Variants in TAFA2 observed in about 807,000 individuals in gnomAD.
The protein encoded by TAFA2 is TAFA chemokine like family member 2.
A neutral mutation model predicts 18.8 loss-of-function variants in TAFA2; 7 were observed. The observed-to-expected ratio is 0.37, with a 90% CI of 0.21 to 0.70. The LOEUF (loss-of-function observed/expected upper bound fraction) is 0.70, where lower values mean the gene tolerates loss of function less well. TAFA2 is among the 30% of genes least tolerant of loss of function. TAFA2 has a pLI of 0.53. For missense variants in TAFA2, 122 were observed against 158.1 expected (o/e 0.77, Z 1.23); for synonymous variants, 60 against 54.2 (o/e 1.11, Z -0.47).
intron 2 of TAFA2, among the ~76,000 whole-genome samples, chr12:61,837,462 T>C (rs867574677): frequency 6.6e-6 from 1 of 152,064 alleles, no homozygotes; most frequent in Non-Finnish European, 1.5e-5. Context: ...TATTTACATA[T>C]GACAGACATG....
chr12:61,948,077 GA>G (rs1021287950), intron 1 of TAFA2, among the ~76,000 whole-genome samples: 1 of 151,708 alleles, frequency 6.6e-6, no homozygotes, highest in Non-Finnish European at 1.5e-5. Flanking sequence ...CAGGCACTTT[GA>G]AAAGTTTCTT....
At chr12:62,063,350 A>G (rs1408929043) in intron 1 of TAFA2, among the ~76,000 whole-genome samples, 2 of 152,242 alleles carry the variant, frequency 1.3e-5, no homozygotes. Context: ...ATTGGGCTAT[A>G]TATCTATCTA....
chr12:61,980,971 T>C (rs1270112515), intron 1 of TAFA2, among the ~76,000 whole-genome samples: 2 of 152,144 alleles, frequency 1.3e-5, no homozygotes, highest in South Asian at 2.1e-4. Flanking sequence ...AAATTTCATA[T>C]GGAACCAAAA....
At chr12:62,083,827 G>A (rs1868360825) in intron 1 of TAFA2, among the ~76,000 whole-genome samples, 1 of 152,012 alleles carries the variant, frequency 6.6e-6, no homozygotes, top group African/African-American at 2.4e-5. Flanking sequence ...TAACATATCT[G>A]CAACATTTAC....
At chr12:62,150,841 G>A (rs10877801) in intron 1 of TAFA2, among the ~76,000 whole-genome samples, 18,617 of 151,828 alleles carry the variant, frequency 0.12, 1,533 homozygotes, top group East Asian at 0.34. Context: ...AGGAGACGGA[G>A]GTTGTGCTAC....
At chr12:61,799,238 C>CAAAAAT (rs1871306553) in intron 2 of TAFA2, among the ~76,000 whole-genome samples, 1 of 152,150 alleles carries the variant, frequency 6.6e-6, no homozygotes, top group African/African-American at 2.4e-5. Context: ...TCTCTTCTCA[C>CAAAAAT]AAAAATAATA....
chr12:62,156,881 T>G (rs1395434961), intron 1 of TAFA2, among the ~76,000 whole-genome samples: 1 of 152,094 alleles, frequency 6.6e-6, no homozygotes, highest in African/African-American at 2.4e-5. Flanking sequence ...CCCAATAACT[T>G]AAGGGAAAAA....
intron 1 of TAFA2, among the ~76,000 whole-genome samples, chr12:62,137,025 A>C (rs1870922543): frequency 6.6e-6 from 1 of 152,236 alleles, no homozygotes; most frequent in Non-Finnish European, 1.5e-5. Context: ...CTTTGGAGAG[A>C]ACCCTCACCT....
chr12:61,894,804 C>T (rs1011146762), intron 1 of TAFA2, among the ~76,000 whole-genome samples: 1 of 152,156 alleles, frequency 6.6e-6, no homozygotes, highest in Non-Finnish European at 1.5e-5. Context: ...AGGAATTTGT[C>T]TCTTAGCCAT....
At chr12:62,251,852 T>C (rs2062915656) in intron 1 of TAFA2, among the ~76,000 whole-genome samples, 1 of 152,158 alleles carries the variant, frequency 6.6e-6, no homozygotes, top group South Asian at 2.1e-4. Flanking sequence ...GACTGACAGC[T>C]GAGATCAGTA....
rs1565745495 is a variant in TAFA2 at position 62,104,201 on chromosome 12, A to G, written c.-2+87058T>C. On this transcript the variant is annotated intron_variant, in intron 1 of 4. Coordinates refer to ENST00000416284, the MANE Select transcript of TAFA2 (RefSeq NM_178539.5). ...TGAGTAATAATTAAAAGGAAAAGTG[A>G]CAAACGTGCCATTTAGCTAATCCTA... 2.0e-5 allele frequency among the ~76,000 whole-genome samples: 3 copies of G among 152,116 alleles called. 1 individual carries two copies. The highest frequency in any genetic ancestry group is 2.0e-4 in the Admixed American group (3 of 15,274).
intron 1 of TAFA2, among the ~76,000 whole-genome samples, chr12:62,118,837 T>C (rs1200014760): frequency 6.6e-6 from 1 of 152,176 alleles, no homozygotes; most frequent in Non-Finnish European, 1.5e-5. Context: ...TTTTTTGTGC[T>C]CTTAACACCA....
intron 2 of TAFA2, among the ~76,000 whole-genome samples, chr12:61,795,249 T>G (rs1349208034): frequency 1.3e-5 from 2 of 152,184 alleles, no homozygotes; most frequent in Non-Finnish European, 2.9e-5. Context: ...CAAAGGATTA[T>G]AAATCATGCT....
intron 1 of TAFA2, among the ~76,000 whole-genome samples, chr12:62,206,468 T>C (rs1301439298): frequency 6.6e-6 from 1 of 152,234 alleles, no homozygotes; most frequent in Non-Finnish European, 1.5e-5. Flanking sequence ...CAATGCTTTA[T>C]TTTACAATTG....
At position 61,899,710 on chromosome 12, in the gene TAFA2, T is replaced by C. The variant is rs183106984; in HGVS notation, c.-1-32284A>G. On this transcript the variant is annotated intron_variant, in intron 1 of 4. Transcript: ENST00000416284. ...GGACACAGAGCCAAACCATATCACA[T>C]GGATTCATCCAACCGTGGATCAAAA... is the stretch of plus-strand genomic sequence containing the variant. 9.3e-4 allele frequency among the ~76,000 whole-genome samples: 141 copies of C among 152,294 alleles called. 2 individuals are homozygous for C. In the South Asian group the frequency reaches 0.024, roughly 26 times the overall value.
At chr12:62,091,680 A>G (rs1868719115) in intron 1 of TAFA2, among the ~76,000 whole-genome samples, 1 of 151,914 alleles carries the variant, frequency 6.6e-6, no homozygotes, top group Non-Finnish European at 1.5e-5. Flanking sequence ...CAATGCAATC[A>G]TCTGAAGGTC....
chr12:61,737,545 G>T lies in TAFA2; in HGVS notation c.384+16077C>A, dbSNP rs187429332. 1.4e-4 allele frequency among the ~76,000 whole-genome samples: 21 copies of T among 151,454 alleles called. No homozygotes were observed. In the East Asian group the frequency reaches 3.9e-3, roughly 28 times the overall value. On this transcript the variant is annotated intron_variant, in intron 4 of 4. Coordinates refer to ENST00000416284, the MANE Select transcript of TAFA2 (RefSeq NM_178539.5). The stretch of plus-strand genomic sequence containing the variant: ...GAACATCATCTAGTCTTGGGATTAT[G>T]CTCACTTAAATATTTATTAATTGTG...
At chr12:61,939,861 G>A in intron 1 of TAFA2, among the ~76,000 whole-genome samples, 1 of 152,186 alleles carries the variant, frequency 6.6e-6, no homozygotes, top group East Asian at 1.9e-4. Context: ...TAATCTTGGA[G>A]CAGTTACTCA....
Position 62,254,489 on chromosome 12 carries a change from C to T in TAFA2, c.-130+4274G>A, listed in dbSNP as rs374088337. On this transcript the variant is annotated intron_variant, in intron 1 of 5. Coordinates refer to the TAFA2 transcript ENST00000551619. ...AAATTATTTGTAGAGGTATACTATA[C>T]ATCCAGCACATTTCATGAATTTCTC... 4.6e-5 allele frequency among the ~76,000 whole-genome samples: 7 copies of T among 152,256 alleles called. No individual in the cohort carries two copies. The East Asian group carries it at 9.6e-4, about 21-fold the overall frequency.
Sources: gnomAD v4.1 joint callset for allele counts (sites outside exome capture counted in the v4.1 genomes callset) on GRCh38, gnomAD v4.1.1 for gene constraint, MANE v1.5 for transcripts, NCBI Gene and HGNC (gene_info 2026-07-23, HGNC 2026-07-21) for gene names.